Variants in KSR2 observed in about 807,000 individuals in gnomAD.
KSR2 encodes kinase suppressor of ras 2.
A neutral mutation model predicts 107.8 loss-of-function variants in KSR2; 25 were observed. The ratio of observed to expected loss-of-function variants is 0.23; its 90% CI spans 0.17 to 0.32. The LOEUF is 0.32. Among genes scored for constraint, KSR2 ranks in the 10% least tolerant of loss-of-function variants. KSR2 has a pLI of 1.00. For synonymous variants in KSR2, 480 were observed against 507.0 expected (o/e 0.95, Z 0.71); for missense variants, 887 against 1,268.9 (o/e 0.70, Z 4.57).
intron 5 of KSR2, among the ~76,000 whole-genome samples, chr12:117,630,951 T>A (rs1372168892): frequency 6.6e-6 from 1 of 152,120 alleles, no homozygotes; most frequent in African/African-American, 2.4e-5. Flanking sequence ...TCCAAGCCAA[T>A]GAGCTCTGTG....
chr12:117,739,179 C>T (rs866700607), intron 4 of KSR2, among the ~76,000 whole-genome samples: 1 of 152,088 alleles, frequency 6.6e-6, no homozygotes, highest in East Asian at 1.9e-4. Flanking sequence ...CACGGTGAAA[C>T]CCCGTCTCTA....
chr12:117,966,354 T>C (rs1246765327), intron 1 of KSR2, among the ~76,000 whole-genome samples: 2 of 152,158 alleles, frequency 1.3e-5, no homozygotes. Flanking sequence ...GAGTCTGCTC[T>C]TGGGCACTGT....
intron 5 of KSR2, among the ~76,000 whole-genome samples, chr12:117,607,888 G>A (rs975233839): frequency 6.6e-5 from 10 of 152,176 alleles, no homozygotes; most frequent in Non-Finnish European, 1.3e-4. Flanking sequence ...TACAGAAGAG[G>A]CTTGGTTGTC....
At chr12:117,932,151 A>G (rs1895711492) in intron 1 of KSR2, among the ~76,000 whole-genome samples, 1 of 152,036 alleles carries the variant, frequency 6.6e-6, no homozygotes, top group African/African-American at 2.4e-5. Flanking sequence ...GCTGGGCATG[A>G]TGGTGGGCGC....
At chr12:117,686,348 G>A (rs1288621723) in intron 4 of KSR2, among the ~76,000 whole-genome samples, 1 of 148,686 alleles carries the variant, frequency 6.7e-6, no homozygotes, top group African/African-American at 2.5e-5. Context: ...TTACAGACAT[G>A]AGCCACCATG....
rs1226152342 is a variant in KSR2, at chr12:117,476,346, C to T, written c.2582+118G>A. ...GTTCCTCCATTCTCACCCAAAAATC[C>T]AGCCACTTTGGCCCTGTAGACAGGT... On this transcript the variant is annotated intron_variant, in intron 17 of 19. Transcript: ENST00000339824. 4 of 1,289,752 alleles carry T rather than the reference C, an allele frequency of 3.1e-6. No homozygotes were observed. The African/African-American group carries it at 6.1e-5, about 20-fold the overall frequency. The allele number at this position is 1,289,752 out of a possible 1,614,324, so 79.9% of individuals were successfully genotyped here.
intron 5 of KSR2, among the ~76,000 whole-genome samples, chr12:117,587,049 ACAC>A (rs1880045226): frequency 6.6e-6 from 1 of 152,148 alleles, no homozygotes; most frequent in African/African-American, 2.4e-5. Flanking sequence ...GTTCCCTCCA[ACAC>A]CCTGCTCAAC....
At chr12:117,636,055 G>C (rs1298779170) in intron 5 of KSR2, among the ~76,000 whole-genome samples, 3 of 152,144 alleles carry the variant, frequency 2.0e-5, no homozygotes, top group African/African-American at 7.2e-5. Flanking sequence ...GCCTCCCAAA[G>C]TCCTAGGATG....
At chr12:117,669,940 G>A (rs1456512398) in intron 4 of KSR2, among the ~76,000 whole-genome samples, 1 of 130,596 alleles carries the variant, frequency 7.7e-6, no homozygotes, top group East Asian at 2.3e-4. Context: ...ATTATTCACA[G>A]TCTGTTGCTG....
chr12:117,656,958 A>ATATATATATATATATAT (rs1555225255), intron 5 of KSR2, among the ~76,000 whole-genome samples: 1 of 87,936 alleles, frequency 1.1e-5, no homozygotes. Flanking sequence ...ATATATATAT[A>ATATATATATATATATAT]ATAGGATATA....
At chr12:117,469,994 C>T (rs925939929) in intron 18 of KSR2, among the ~76,000 whole-genome samples, 199 bp from the exon 19 acceptor site, 5 of 151,220 alleles carry the variant, frequency 3.3e-5, no homozygotes, top group African/African-American at 1.2e-4. Context: ...TTCACTCTTC[C>T]ATCCTTCATC....
intron 9 of KSR2, among the ~76,000 whole-genome samples, chr12:117,553,537 T>C (rs1439182619): frequency 6.6e-6 from 1 of 152,170 alleles, no homozygotes; most frequent in Non-Finnish European, 1.5e-5. Context: ...GACTCAGCTA[T>C]CATGATGTTC....
At chr12:117,704,916 G>C (rs1482267782) in intron 4 of KSR2, among the ~76,000 whole-genome samples, 1 of 151,870 alleles carries the variant, frequency 6.6e-6, no homozygotes, top group South Asian at 2.1e-4. Context: ...ATTTTAATTA[G>C]GAGCTATTGA....
At chr12:117,803,323 A>G (rs1179968117) in intron 3 of KSR2, among the ~76,000 whole-genome samples, 1 of 152,188 alleles carries the variant, frequency 6.6e-6, no homozygotes. Context: ...TTTATACAAT[A>G]TATTCACCTT....
intron 1 of KSR2, among the ~76,000 whole-genome samples, chr12:117,890,378 C>T (rs1274221849): frequency 6.6e-6 from 1 of 152,208 alleles, no homozygotes; most frequent in Non-Finnish European, 1.5e-5. Flanking sequence ...GTCCACAGAG[C>T]ACCAGATAGT....
chr12:117,944,598 G>C (rs1428388608), intron 1 of KSR2, among the ~76,000 whole-genome samples: 2 of 152,066 alleles, frequency 1.3e-5, no homozygotes, highest in Non-Finnish European at 2.9e-5. Context: ...GCTCACGCCT[G>C]CAATCCCAGC....
intron 1 of KSR2, among the ~76,000 whole-genome samples, chr12:117,939,783 A>C (rs1268888706): frequency 6.6e-6 from 1 of 151,428 alleles, no homozygotes; most frequent in Admixed American, 6.6e-5. Context: ...TCTACTAAAA[A>C]TGGAAAAATT....
intron 1 of KSR2, among the ~76,000 whole-genome samples, chr12:117,947,165 C>A (rs1896203510): frequency 4.1e-5 from 3 of 73,714 alleles, no homozygotes; most frequent in Admixed American, 4.1e-4. Context: ...TACACTCTGT[C>A]AAAAGAAAGA....
chr12:117,516,342 C>A (rs1370362266), intron 14 of KSR2, among the ~76,000 whole-genome samples: 2 of 152,108 alleles, frequency 1.3e-5, no homozygotes, highest in East Asian at 1.9e-4. Flanking sequence ...AGTAACTTGG[C>A]CAGGGTGCAA....
Sources: allele counts gnomAD v4.1 joint callset (sites outside exome capture counted in the v4.1 genomes callset), GRCh38; gene constraint gnomAD v4.1.1; transcripts MANE v1.5; gene names NCBI Gene and HGNC (gene_info 2026-07-23, HGNC 2026-07-21).